SORD: variants seen among roughly 807,000 people sequenced by gnomAD.
SORD encodes (R,R)-butanediol dehydrogenase.
In SORD, 18 loss-of-function variants were observed where a neutral mutation model predicts 35.6. The observed-to-expected ratio is 0.51, with a 90% CI of 0.35 to 0.75. The LOEUF is 0.75. Among genes scored for constraint, SORD ranks in the 30% least tolerant of loss-of-function variants. SORD has a pLI of 0.01. For missense variants in SORD, 250 were observed against 390.2 expected (o/e 0.64, Z 3.03); for synonymous variants, 106 against 152.9 (o/e 0.69, Z 2.26).
At chr15:45,042,041 G>C (rs530383354) in intron 2 of SORD, among the ~76,000 whole-genome samples, 2 of 152,264 alleles carry the variant, frequency 1.3e-5, no homozygotes, top group Admixed American at 6.5e-5. Context: ...GGCAGTCTGT[G>C]GCAAGTGCAG....
At chr15:45,050,073 A>T (rs1038283874) in intron 3 of SORD, among the ~76,000 whole-genome samples, 6 of 152,156 alleles carry the variant, frequency 3.9e-5, no homozygotes, top group African/African-American at 1.4e-4. Context: ...TTTGCGAGGA[A>T]CTTCAGATAG....
intron 5 of SORD, among the ~76,000 whole-genome samples, chr15:45,065,869 A>G (rs1210187296): frequency 6.6e-6 from 1 of 152,114 alleles, no homozygotes; most frequent in Admixed American, 6.5e-5. Context: ...GCAGCGAGCC[A>G]TGATTGTGCC....
At chr15:45,032,897 A>G (rs1312127160) in intron 1 of SORD, among the ~76,000 whole-genome samples, 7 of 151,660 alleles carry the variant, frequency 4.6e-5, no homozygotes, top group Non-Finnish European at 1.0e-4. Context: ...GAGGAAAGGA[A>G]GAAAAACAGG....
chr15:45,048,646 T>G (rs563269822), intron 3 of SORD, among the ~76,000 whole-genome samples: 1 of 152,176 alleles, frequency 6.6e-6, no homozygotes, highest in Non-Finnish European at 1.5e-5. Context: ...AGGGTCAACA[T>G]AGCAATCTCA....
At position 45,077,121 on chromosome 15, in the gene SORD, G is replaced by A. The variant is rs1275682926; in HGVS notation, c.*3591G>A. ...TATAAAGCAAATTGCAGTATTTTGA[G>A]TGTTTGGATAGTTTACAGAGTTTTG... On this transcript the variant is annotated 3_prime_UTR_variant, in exon 9 of 9. Coordinates refer to ENST00000267814, the MANE Select transcript of SORD (RefSeq NM_003104.6). 6.1e-5 allele frequency: 9 copies of A among 147,020 alleles called. No homozygotes were observed. The highest frequency in any genetic ancestry group is 1.2e-4 in the Non-Finnish European group (8 of 67,852). The allele number at this position is 147,020 out of a possible 1,614,324, so 9.1% of individuals were successfully genotyped here. A position where few individuals can be genotyped will look rare whatever the true frequency, so the allele number is the denominator to read the frequency against.
chr15:45,038,128 C>CTTCCTTCCTTCTTTCCTTCCTTCT (rs1368127181), intron 1 of SORD, among the ~76,000 whole-genome samples: 33 of 13,030 alleles, frequency 2.5e-3, no homozygotes, highest in South Asian at 8.6e-3. Flanking sequence ...CGCATCCTCC[C>CTTCCTTCCTTCTTTCCTTCCTTCT]TTCCTTCCTT....
chr15:45,028,986 C>CAA, intron 1 of SORD, among the ~76,000 whole-genome samples: 1 of 152,206 alleles, frequency 6.6e-6, no homozygotes, highest in Admixed American at 6.5e-5. Flanking sequence ...ATTAAAGGGG[C>CAA]TGATAGTCAT....
chr15:45,061,193 G>C lies in SORD; in HGVS notation c.392G>C (p.Arg131Pro). The C allele has an allele frequency of 1.9e-6, 3 of 1,613,742 alleles. No homozygotes were observed. Among genetic ancestry groups the C allele is most frequent in the South Asian group, 1.1e-5 (1 of 91,048 alleles). Residue 131 changes from arginine to proline, a missense_variant, in exon 4 of 9, where the codon CGG becomes CCG. Physicochemically the swap from Arg to Pro is moderately radical, Grantham distance 103 (BLOSUM62 -2). This residue lies in a region of SORD where 126 missense variants were observed against 148.7 expected (regional missense o/e 0.85). Transcript: ENST00000267814. ...CCCCCCGATGACGGGAACCTCTGCC[G>C]GTTCTATAAGCACAATGCAGCCTTT... ...ATPPDDGNLC[R>P]FYKHNAAFCY...
At chr15:45,050,068 G>A (rs207475443) in intron 3 of SORD, among the ~76,000 whole-genome samples, 4 of 152,158 alleles carry the variant, frequency 2.6e-5, no homozygotes, top group Admixed American at 6.5e-5. Flanking sequence ...TCTGTTTTGC[G>A]AGGAACTTCA....
intron 4 of SORD, among the ~76,000 whole-genome samples, chr15:45,064,112 G>A (rs1893367744): frequency 6.7e-6 from 1 of 149,176 alleles, no homozygotes; most frequent in South Asian, 2.2e-4. Flanking sequence ...GGAACTTGAG[G>A]GTTTTCCTGT....
At chr15:45,063,157 G>T (rs1218721504) in intron 4 of SORD, among the ~76,000 whole-genome samples, 3 of 148,362 alleles carry the variant, frequency 2.0e-5, no homozygotes, top group African/African-American at 7.6e-5. Flanking sequence ...CTCCCAGGGG[G>T]CTTTCTGCCT....
intron 2 of SORD, 106 bp downstream of exon 2, chr15:45,040,547 T>G: frequency 1.2e-6 from 1 of 862,556 alleles, no homozygotes; most frequent in African/African-American, 1.7e-5. Context: ...GTTTATTACT[T>G]TTGCATCCAT....
At chr15:45,026,842 C>CCA (rs1892678442) in intron 1 of SORD, among the ~76,000 whole-genome samples, 1 of 151,858 alleles carries the variant, frequency 6.6e-6, no homozygotes, top group African/African-American at 2.4e-5. Context: ...CAGCCAGCGT[C>CCA]TGGGGCAGTG....
rs2141131240 is a variant in SORD at position 45,077,177 on chromosome 15, T to C, written c.*3647T>C. 1 of 142,922 alleles carries C rather than the reference T, an allele frequency of 7.0e-6. No homozygotes were observed. The highest frequency in any genetic ancestry group is 1.9e-4 in the East Asian group (1 of 5,146). The allele number at this position is 142,922 out of a possible 1,614,324, so 8.9% of individuals were successfully genotyped here. A position where few individuals can be genotyped will look rare whatever the true frequency, so the allele number is the denominator to read the frequency against. On this transcript the variant is annotated 3_prime_UTR_variant, in exon 9 of 9. Coordinates refer to ENST00000267814, the MANE Select transcript of SORD (RefSeq NM_003104.6). ...ATAATAAAGTTGCAATGACAACCCT[T>C]GTTGCATATTTTTGTTCTCCTGACT... is the stretch of plus-strand genomic sequence containing the variant.
chr15:45,027,670 C>T (rs72722057), intron 1 of SORD, among the ~76,000 whole-genome samples: 6,563 of 150,864 alleles, frequency 0.044, no homozygotes, highest in African/African-American at 0.094. Context: ...CTGTATTTAC[C>T]AGTTTAATTA....
chr15:45,035,473 G>A (rs917633991), intron 1 of SORD, among the ~76,000 whole-genome samples: 2 of 151,992 alleles, frequency 1.3e-5, no homozygotes, highest in Non-Finnish European at 2.9e-5. Context: ...CTGGGGGGGA[G>A]GTGGAAAACC....
At chr15:45,027,429 G>A (rs750316524) in intron 1 of SORD, among the ~76,000 whole-genome samples, 14 of 152,362 alleles carry the variant, frequency 9.2e-5, no homozygotes, top group Admixed American at 2.0e-4. Flanking sequence ...GGTTGTATGA[G>A]GATTCAGTGG....
rs140027593 is a variant in SORD at position 45,073,532 on chromosome 15, G to A, written c.*2G>A. ...GACCCCAGTGACCAGAATCCCTGAT[G>A]TTAATGGGCTCTGCCCTCATCCCCA... On this transcript the variant is annotated 3_prime_UTR_variant, in exon 9 of 9. Transcript: ENST00000267814. The A allele has an allele frequency of 0.01, 16,204 of 1,573,436 alleles. 811 individuals carry two copies. The African/African-American group carries it at 0.13, about 12-fold the overall frequency.
At chr15:45,037,891 C>T (rs1892895368) in intron 1 of SORD, among the ~76,000 whole-genome samples, 1 of 151,278 alleles carries the variant, frequency 6.6e-6, no homozygotes, top group Non-Finnish European at 1.5e-5. Context: ...ATAGGTGCAG[C>T]AAACCAGCAT....
Sources: gnomAD v4.1 joint callset for allele counts (sites outside exome capture counted in the v4.1 genomes callset) on GRCh38, gnomAD v4.1.1 for gene constraint, gnomAD v4.1.1 regional missense constraint, MANE v1.5 for transcripts, NCBI Gene and HGNC (gene_info 2026-07-23, HGNC 2026-07-21) for gene names.